ATP6V1E2: variants seen among roughly 807,000 people sequenced by gnomAD.
ATP6V1E2 encodes V-type proton ATPase subunit E 2.
For missense variants in ATP6V1E2, 308 were observed against 273.3 expected, an observed-to-expected ratio of 1.13 and a Z score of -0.90; for synonymous variants, 121 against 104.2, an observed-to-expected ratio of 1.16 and a Z score of -0.98.
chr2:46,521,589 A>T (rs947546617), intron 4 of ATP6V1E2, among the ~76,000 whole-genome samples: 6 of 152,232 alleles, frequency 3.9e-5, no homozygotes, highest in Non-Finnish European at 7.3e-5. Flanking sequence ...TACAGGGCCC[A>T]GGAAGTGGGT....
intron 3 of ATP6V1E2, among the ~76,000 whole-genome samples, chr2:46,536,342 A>C (rs1227462024): frequency 6.6e-6 from 1 of 152,196 alleles, no homozygotes; most frequent in South Asian, 2.1e-4. Flanking sequence ...GACCTTTAAG[A>C]AATTGCTGTG....
In ATP6V1E2 at chr2:46,522,265, C is replaced by T. The variant is rs866005665; in HGVS notation, c.-101-9453G>A. Among the ~76,000 whole-genome samples the T allele has an allele frequency of 2.9e-4, 41 of 142,840 alleles. No homozygotes were observed. In the Middle Eastern group the frequency reaches 0.018, roughly 62 times the overall value. The allele number at this position is 142,840 out of a possible 152,430, so 93.7% of individuals were successfully genotyped here. Reference sequence around the variant, plus strand: ...TGCCATTGCACTCCAGCCTGGGCGACAGACGGAGACTCTGTCTCCAAAAAA... The same window carrying T: ...TGCCATTGCACTCCAGCCTGGGCGATAGACGGAGACTCTGTCTCCAAAAAA... On this transcript the variant is annotated intron_variant, in intron 4 of 4. Transcript: ENST00000522587.
chr2:46,511,987 T>A lies in ATP6V1E2; in HGVS notation c.*44A>T. On this transcript the variant is annotated 3_prime_UTR_variant, in exon 5 of 5. Coordinates refer to ENST00000522587, the MANE Select transcript of ATP6V1E2 (RefSeq NM_001318063.2). The stretch of plus-strand genomic sequence containing the variant: ...TTTCCTTTCCCCAAAAAACTTAAAC[T>A]TTTATGGTTTAGTGGTTCAACACTA... 7.3e-6 allele frequency: 11 copies of A among 1,511,886 alleles called. No individual in the cohort carries two copies. The highest frequency in any genetic ancestry group is 9.7e-6 in the Non-Finnish European group (11 of 1,131,720). The allele number at this position is 1,511,886 out of a possible 1,614,324, so 93.7% of individuals were successfully genotyped here. A position where few individuals can be genotyped will look rare whatever the true frequency, so the allele number is the denominator to read the frequency against.
chr2:46,537,646 G>C (rs1000486971), intron 2 of ATP6V1E2: 1 of 151,974 alleles, frequency 6.6e-6, no homozygotes, highest in African/African-American at 2.4e-5. Flanking sequence ...ACTGCTTCTG[G>C]ATTTTTCCAT....
At chr2:46,534,072 A>G (rs1443666960) in intron 4 of ATP6V1E2, among the ~76,000 whole-genome samples, 1 of 152,098 alleles carries the variant, frequency 6.6e-6, no homozygotes, top group Admixed American at 6.5e-5. Flanking sequence ...TTTTTCTCCT[A>G]CTTTGGATTT....
chr2:46,540,613 C>CTTTTTTT lies in ATP6V1E2; in HGVS notation c.-310+770_-310+776dup, dbSNP rs59810518. Among the ~76,000 whole-genome samples, 865 of 115,388 alleles carry CTTTTTTT rather than the reference C, an allele frequency of 7.5e-3. 67 individuals carry two copies. The highest frequency in any genetic ancestry group is 0.025 in the African/African-American group (723 of 29,390). 75.7% of individuals were successfully genotyped at this position (115,388 alleles called of 152,430 possible). On this transcript the variant is annotated intron_variant, in intron 2 of 4. Coordinates refer to ENST00000522587, the MANE Select transcript of ATP6V1E2 (RefSeq NM_001318063.2). The stretch of plus-strand genomic sequence containing the variant: ...TGAAATTTGAGAGCTTTTTCTGTAA[C>CTTTTTTT]TTTTTTTTTTTTTTTTTTTTTTTTT...
At chr2:46,514,544 G>C (rs1487757431) in intron 4 of ATP6V1E2, among the ~76,000 whole-genome samples, 1 of 152,060 alleles carries the variant, frequency 6.6e-6, no homozygotes, top group African/African-American at 2.4e-5. Flanking sequence ...ATTCACTAGA[G>C]GAGTTCAACA....
chr2:46,534,717 G>T (rs1667355616), intron 4 of ATP6V1E2: 1 of 152,126 alleles, frequency 6.6e-6, no homozygotes, highest in South Asian at 2.1e-4. Context: ...CCTTGTTGGA[G>T]GAAGTCTAGA....
intron 2 of ATP6V1E2, chr2:46,537,660 A>C (rs1429097633): frequency 3.9e-5 from 6 of 152,182 alleles, no homozygotes; most frequent in African/African-American, 1.2e-4. Context: ...TTTCCATAAC[A>C]GAAGTCCATA....
chr2:46,534,495 C>T (rs1310157821), intron 4 of ATP6V1E2: 1 of 151,590 alleles, frequency 6.6e-6, no homozygotes, highest in Non-Finnish European at 1.5e-5. Flanking sequence ...GTTATTATCT[C>T]TGTCATTTTG....
chr2:46,521,781 C>G (rs1202657797), intron 4 of ATP6V1E2, among the ~76,000 whole-genome samples: 1 of 152,110 alleles, frequency 6.6e-6, no homozygotes, highest in Non-Finnish European at 1.5e-5. Context: ...ACCTCTGCCT[C>G]CTGGGTTCAA....
chr2:46,531,185 C>T (rs1459306052), intron 4 of ATP6V1E2, among the ~76,000 whole-genome samples: 1 of 152,248 alleles, frequency 6.6e-6, no homozygotes, highest in African/African-American at 2.4e-5. Flanking sequence ...ATTTTCCCTT[C>T]AAACCCTACC....
At chr2:46,518,878 T>C (rs1202167862) in intron 4 of ATP6V1E2, 1 of 151,028 alleles carries the variant, frequency 6.6e-6, no homozygotes, top group Non-Finnish European at 1.5e-5. Flanking sequence ...AAAGCAGACA[T>C]AGTACAAGGT....
Position 46,512,126 on chromosome 2 carries a change from AG to A in ATP6V1E2, c.585del (p.Leu196TrpfsTer56). The A allele has an allele frequency of 6.2e-7, 1 of 1,614,122 alleles. No homozygotes were observed. On this transcript the variant is annotated frameshift_variant, in exon 5 of 5. Transcript: ENST00000522587. LOFTEE classifies it high-confidence loss of function. ...GCTGAGAGATCCAGTCGGCTTTCCA[AG>A]GTATTTGAAACCTTTATTCTCTGAT... is the stretch of plus-strand genomic sequence containing the variant. ...SGNQRIKVSN[T>X]LESRLDLSAK... is the part of the protein sequence containing the mutation.
intron 2 of ATP6V1E2, among the ~76,000 whole-genome samples, chr2:46,539,312 C>T (rs1667601714): frequency 6.6e-6 from 1 of 152,228 alleles, no homozygotes; most frequent in Non-Finnish European, 1.5e-5. Flanking sequence ...TCCTCGCTCC[C>T]AGAACCACTG....
intron 4 of ATP6V1E2, among the ~76,000 whole-genome samples, chr2:46,522,963 G>A (rs1392524367): frequency 1.3e-5 from 2 of 152,018 alleles, no homozygotes; most frequent in Middle Eastern, 3.2e-3. Context: ...ATCTCATTGT[G>A]GTTTTGATTT....
At chr2:46,525,771 G>T (rs1666889419) in intron 4 of ATP6V1E2, among the ~76,000 whole-genome samples, 1 of 152,138 alleles carries the variant, frequency 6.6e-6, no homozygotes, top group African/African-American at 2.4e-5. Context: ...TAATTTACAT[G>T]AAGAATTCAC....
chr2:46,517,848 GA>G (rs1666358871), intron 4 of ATP6V1E2, among the ~76,000 whole-genome samples: 1 of 152,162 alleles, frequency 6.6e-6, no homozygotes, highest in Admixed American at 6.5e-5. Flanking sequence ...GAAAGAAAAA[GA>G]AAATAACAAG....
At chr2:46,536,386 G>A (rs920128089) in intron 3 of ATP6V1E2, among the ~76,000 whole-genome samples, 2 of 152,222 alleles carry the variant, frequency 1.3e-5, no homozygotes, top group Admixed American at 1.3e-4. Flanking sequence ...CTACACTGGA[G>A]TGCAAAGAGA....
Sources: gnomAD v4.1 joint callset for allele counts (sites outside exome capture counted in the v4.1 genomes callset) on GRCh38, gnomAD v4.1.1 for gene constraint, MANE v1.5 for transcripts, NCBI Gene and HGNC (gene_info 2026-07-23, HGNC 2026-07-21) for gene names.